The following PFKFB3 variants were observed in gnomAD, a reference collection of about 807,000 sequenced individuals.
PFKFB3 encodes 6-phosphofructo-2-kinase/fructose-2,6-bisphosphatase 3.
A neutral mutation model predicts 68.0 loss-of-function variants in PFKFB3; 33 were observed. The ratio of observed to expected loss-of-function variants is 0.49; its 90% CI spans 0.37 to 0.65. PFKFB3 has a LOEUF of 0.65. PFKFB3 is among the 30% of genes least tolerant of loss of function. The pLI, the probability that PFKFB3 is intolerant of heterozygous loss-of-function variation, is 0.00. For synonymous variants in PFKFB3, 315 were observed against 288.2 expected (o/e 1.09, Z -0.94); for missense variants, 586 against 712.2 (o/e 0.82, Z 2.02).
In PFKFB3 at chr10:6,213,761, C is replaced by G; in HGVS notation, c.202+13C>G. 1 of 1,610,456 alleles carries G rather than the reference C, an allele frequency of 6.2e-7. No homozygotes were observed. Among genetic ancestry groups the G allele is most frequent in the African/African-American group, 1.3e-5 (1 of 74,940 alleles). On this transcript the variant is annotated intron_variant, in intron 2 of 14. Coordinates refer to ENST00000379775, the MANE Select transcript of PFKFB3 (RefSeq NM_004566.4). ...GTCCCCACAAAAGGTGAGACTGGGT[C>G]TCGAGGCCGGACCCCTGCTCGTGCA...
In PFKFB3 at chr10:6,215,113, G is replaced by C. The variant is rs1844475062; in HGVS notation, c.203-108G>C. On this transcript the variant is annotated intron_variant, in intron 2 of 14. Transcript: ENST00000379775. The surrounding 1 kb of genome is among the most constrained non-coding windows in gnomAD (Gnocchi z 4.3). ...GCTTCCACACCATCTCATTCAAGTC[G>C]GTGTGGTTGGCCTGGTGGCTCTTCC... 1 of 834,554 alleles carries C rather than the reference G, an allele frequency of 1.2e-6. No individual in the cohort carries two copies. The highest frequency in any genetic ancestry group is 2.0e-5 in the Admixed American group (1 of 51,140). 51.7% of individuals were successfully genotyped at this position (834,554 alleles called of 1,614,324 possible).
chr10:6,147,154 G>C (rs896542668), intron 1 of PFKFB3, among the ~76,000 whole-genome samples: 2 of 152,198 alleles, frequency 1.3e-5, no homozygotes, highest in Non-Finnish European at 1.5e-5. Flanking sequence ...TGCCTGGAGG[G>C]GACAAGGTCC....
At chr10:6,254,863 G>T (rs1205820032), downstream of PFKFB3, among the ~76,000 whole-genome samples, 1 of 128,680 alleles carries the variant, frequency 7.8e-6, no homozygotes, top group Non-Finnish European at 1.6e-5. Flanking sequence ...TGTCACCCAG[G>T]CTGGAGTGCA....
At chr10:6,173,882 G>A (rs148498747) in intron 1 of PFKFB3, among the ~76,000 whole-genome samples, 2 of 152,252 alleles carry the variant, frequency 1.3e-5, no homozygotes, top group East Asian at 3.9e-4. Context: ...AGGAAGATGA[G>A]TCCCTGTCAG....
the PFKFB3 span, among the ~76,000 whole-genome samples, chr10:6,318,610 T>A: frequency 6.6e-6 from 1 of 152,210 alleles, no homozygotes; most frequent in African/African-American, 2.4e-5. Context: ...CGCTTTTGCC[T>A]GACCACGAAG....
chr10:6,223,869 G>C (rs952102647), intron 11 of PFKFB3, 89 bp from the exon 12 acceptor site: 1 of 1,129,260 alleles, frequency 8.9e-7, no homozygotes, highest in Non-Finnish European at 1.4e-6. Flanking sequence ...CACCTGCCTC[G>C]GCCTCCCAAA....
rs12412134 is a variant in PFKFB3 at position 6,213,781 on chromosome 10, C to T, written c.202+33C>T. 1.8e-3 allele frequency: 2,833 copies of T among 1,600,616 alleles called. 41 individuals carry two copies. In the African/African-American group the frequency reaches 0.032, roughly 18 times the overall value. ...TGGGTCTCGAGGCCGGACCCCTGCT[C>T]GTGCAAAAACTTGACCTTCCATCTC... On this transcript the variant is annotated intron_variant, in intron 2 of 14. Coordinates refer to ENST00000379775, the MANE Select transcript of PFKFB3 (RefSeq NM_004566.4).
chr10:6,174,568 C>T (rs1177007332), intron 1 of PFKFB3, among the ~76,000 whole-genome samples: 4 of 152,056 alleles, frequency 2.6e-5, no homozygotes, highest in Admixed American at 6.5e-5. Context: ...GCTTGTCAGG[C>T]GTGTTTCTGT....
intron 1 of PFKFB3, among the ~76,000 whole-genome samples, chr10:6,167,232 CTT>C (rs1842171155): frequency 6.6e-6 from 1 of 152,230 alleles, no homozygotes; most frequent in Non-Finnish European, 1.5e-5. Flanking sequence ...GAGTGAGTAA[CTT>C]TTACCTGAGT....
At chr10:6,292,931 G>A in the PFKFB3 span, among the ~76,000 whole-genome samples, 26 of 152,182 alleles carry the variant, frequency 1.7e-4, no homozygotes, top group Non-Finnish European at 3.2e-4. Context: ...AATCTGAACA[G>A]GTTATCAGAT....
At chr10:6,302,437 AGTG>A in the PFKFB3 span, among the ~76,000 whole-genome samples, 1 of 122,696 alleles carries the variant, frequency 8.2e-6, no homozygotes, top group Admixed American at 1.0e-4. Context: ...GCTGGAGTGC[AGTG>A]GTGCAACCTT....
intron 6 of PFKFB3, among the ~76,000 whole-genome samples, chr10:6,218,003 A>G (rs1844703619): frequency 6.6e-6 from 1 of 152,224 alleles, no homozygotes; most frequent in South Asian, 2.1e-4. Flanking sequence ...AGGTGGTGGA[A>G]GTATTTCTAG....
At chr10:6,213,246 G>A (rs993858784) in intron 1 of PFKFB3, among the ~76,000 whole-genome samples, 6 of 152,094 alleles carry the variant, frequency 3.9e-5, no homozygotes, top group African/African-American at 7.2e-5. Flanking sequence ...TGAAAATTTC[G>A]ATGAATGCTG....
At chr10:6,147,653 C>G (rs922958652) in intron 1 of PFKFB3, among the ~76,000 whole-genome samples, 5 of 152,218 alleles carry the variant, frequency 3.3e-5, no homozygotes, top group Non-Finnish European at 7.3e-5. Context: ...TTGGAGGGGG[C>G]GGGCAGTGTG....
intron 14 of PFKFB3, among the ~76,000 whole-genome samples, chr10:6,247,823 G>C (rs544756090): frequency 6.6e-6 from 1 of 152,368 alleles, no homozygotes; most frequent in East Asian, 1.9e-4. Context: ...TGTCCTATTA[G>C]AATACCTGCA....
intron 1 of PFKFB3, among the ~76,000 whole-genome samples, chr10:6,145,351 C>G (rs796685854): frequency 2.2e-4 from 34 of 151,498 alleles, no homozygotes; most frequent in African/African-American, 8.0e-4. Flanking sequence ...ATTGTGCCTC[C>G]AGACCCGCGC....
downstream of PFKFB3, among the ~76,000 whole-genome samples, chr10:6,237,125 CG>C (rs1215315580): frequency 4.6e-5 from 7 of 152,254 alleles, no homozygotes; most frequent in East Asian, 1.3e-3. Flanking sequence ...CCCAGCTATC[CG>C]GGGTTCTCCC....
At chr10:6,216,613 G>A (rs1405892837) in intron 4 of PFKFB3, 93 bp from the exon 5 acceptor site, 1 of 888,746 alleles carries the variant, frequency 1.1e-6, no homozygotes, top group Non-Finnish European at 1.9e-6. Context: ...GCTTATTCCT[G>A]GAGATGATGG....
intron 1 of PFKFB3, among the ~76,000 whole-genome samples, chr10:6,186,272 A>G (rs1407463464): frequency 6.6e-6 from 1 of 152,176 alleles, no homozygotes; most frequent in East Asian, 1.9e-4. Flanking sequence ...CAGTGGCTTA[A>G]CTCCATGGAA....
Sources: gnomAD v4.1 joint callset for allele counts (sites outside exome capture counted in the v4.1 genomes callset) on GRCh38, gnomAD v4.1.1 for gene constraint, Gnocchi (gnomAD v3.1) non-coding constraint, MANE v1.5 for transcripts, NCBI Gene and HGNC (gene_info 2026-07-23, HGNC 2026-07-21) for gene names.